Variants in ZBTB20 observed in about 807,000 individuals in gnomAD.
ZBTB20 encodes zinc finger and BTB domain-containing protein 20.
In ZBTB20, 9 loss-of-function variants were observed where a neutral mutation model predicts 56.9. That is an observed-to-expected ratio of 0.16 (90% CI 0.10 to 0.28). The LOEUF is 0.28. ZBTB20 is among the 10% of genes least tolerant of loss of function. The pLI, the probability that ZBTB20 is intolerant of heterozygous loss-of-function variation, is 1.00. For missense variants in ZBTB20, 655 were observed against 1,003.0 expected (o/e 0.65, Z 4.69); for synonymous variants, 417 against 420.7 (o/e 0.99, Z 0.11).
At chr3:114,546,267 A>G (rs1447214964) in intron 6 of ZBTB20, among the ~76,000 whole-genome samples, 1 of 152,192 alleles carries the variant, frequency 6.6e-6, no homozygotes, top group Non-Finnish European at 1.5e-5. Flanking sequence ...TGCTTATCAA[A>G]TGTGCTCATT....
At chr3:114,839,204 CA>C (rs1035833193) in intron 4 of ZBTB20, among the ~76,000 whole-genome samples, 30 of 152,134 alleles carry the variant, frequency 2.0e-4, no homozygotes, top group African/African-American at 7.0e-4. Flanking sequence ...AGTTCAAGAC[CA>C]GCTTTGGCAA....
chr3:114,773,062 A>C (rs1160537097), intron 5 of ZBTB20, among the ~76,000 whole-genome samples: 1 of 152,220 alleles, frequency 6.6e-6, no homozygotes. Context: ...GCACACATGC[A>C]AGGATCTAAA....
chr3:115,095,748 T>C (rs2083358408), intron 1 of ZBTB20, among the ~76,000 whole-genome samples: 1 of 152,178 alleles, frequency 6.6e-6, no homozygotes, highest in Non-Finnish European at 1.5e-5. Flanking sequence ...GATATTTTGA[T>C]ATATTAAACA....
intron 6 of ZBTB20, among the ~76,000 whole-genome samples, chr3:114,540,244 C>T (rs2048966889): frequency 6.6e-6 from 1 of 152,004 alleles, no homozygotes; most frequent in Admixed American, 6.6e-5. Context: ...GAAATACAAA[C>T]AACCATCAGA....
intron 10 of ZBTB20, among the ~76,000 whole-genome samples, chr3:114,373,732 G>A (rs568683514): frequency 6.6e-5 from 10 of 152,114 alleles, no homozygotes; most frequent in South Asian, 4.2e-4. Context: ...TCCTATCTTC[G>A]TCCCTAATCT....
chr3:114,727,239 AT>A (rs1156614693), intron 5 of ZBTB20, among the ~76,000 whole-genome samples: 1 of 152,204 alleles, frequency 6.6e-6, no homozygotes, highest in African/African-American at 2.4e-5. Context: ...CTTAATCACT[AT>A]TAAGGATATT....
At chr3:114,408,512 C>T (rs2087566405) in intron 7 of ZBTB20, among the ~76,000 whole-genome samples, 1 of 152,028 alleles carries the variant, frequency 6.6e-6, no homozygotes, top group Admixed American at 6.6e-5. Context: ...CCCTCCCTTC[C>T]TTTCTTCTAG....
intron 4 of ZBTB20, among the ~76,000 whole-genome samples, chr3:114,818,673 TC>T: frequency 6.6e-6 from 1 of 152,070 alleles, no homozygotes; most frequent in African/African-American, 2.4e-5. Flanking sequence ...AGTATGTTAA[TC>T]CACTTTACCA....
At position 115,123,350 on chromosome 3, in the gene ZBTB20, T is replaced by C. The variant is rs929241258; in HGVS notation, c.-703+23869A>G. Among the ~76,000 whole-genome samples, 4 of 152,326 alleles carry C rather than the reference T, an allele frequency of 2.6e-5. No individual in the cohort carries two copies. The South Asian group carries it at 6.2e-4, about 24-fold the overall frequency. ...ATTAATAGTTGAAGATGTTCTAATG[T>C]ATGAATTATTACTAAAACAATTATT... On this transcript the variant is annotated intron_variant, in intron 1 of 11. Transcript: ENST00000675478.
At chr3:114,517,685 T>G (rs1047223003) in intron 6 of ZBTB20, among the ~76,000 whole-genome samples, 5 of 151,778 alleles carry the variant, frequency 3.3e-5, no homozygotes, top group African/African-American at 1.2e-4. Context: ...CAAGCAATTC[T>G]CTGCCTCAGC....
chr3:114,614,933 T>G (rs1281319440), intron 6 of ZBTB20, among the ~76,000 whole-genome samples: 1 of 152,158 alleles, frequency 6.6e-6, no homozygotes, highest in Non-Finnish European at 1.5e-5. Flanking sequence ...AATTTTTGTA[T>G]TTTTAGTAGA....
intron 5 of ZBTB20, among the ~76,000 whole-genome samples, chr3:114,710,663 C>T (rs2064009740): frequency 6.6e-6 from 1 of 152,134 alleles, no homozygotes; most frequent in Admixed American, 6.5e-5. Context: ...AGAGTTGAAC[C>T]ACTTTTCATC....
chr3:115,084,108 A>G (rs1042025721), intron 1 of ZBTB20, among the ~76,000 whole-genome samples: 1 of 151,814 alleles, frequency 6.6e-6, no homozygotes, highest in Non-Finnish European at 1.5e-5. Flanking sequence ...GTATTTAAAG[A>G]TGAGCAAGAG....
chr3:114,966,598 C>T (rs2077657170), intron 3 of ZBTB20, among the ~76,000 whole-genome samples: 1 of 151,848 alleles, frequency 6.6e-6, no homozygotes, highest in African/African-American at 2.4e-5. Context: ...GTAATTTGCC[C>T]AACTGTTAGT....
At chr3:114,362,812 A>G (rs531713628) in intron 10 of ZBTB20, among the ~76,000 whole-genome samples, 1 of 152,328 alleles carries the variant, frequency 6.6e-6, no homozygotes, top group East Asian at 1.9e-4. Context: ...CTATGATGTG[A>G]TAGAAAAATG....
chr3:114,949,649 T>A (rs918765666), intron 3 of ZBTB20, among the ~76,000 whole-genome samples: 1 of 145,076 alleles, frequency 6.9e-6, no homozygotes, highest in Non-Finnish European at 1.5e-5. Context: ...AAGCCTGTAA[T>A]CCCAGCTACT....
At chr3:114,493,289 G>T (rs1016321417) in intron 7 of ZBTB20, among the ~76,000 whole-genome samples, 2 of 152,134 alleles carry the variant, frequency 1.3e-5, no homozygotes, top group African/African-American at 4.8e-5. Context: ...GAAAATGTGG[G>T]TTGTTTCCAG....
At chr3:114,912,062 CAGT>C (rs915365992) in intron 3 of ZBTB20, among the ~76,000 whole-genome samples, 16 of 149,446 alleles carry the variant, frequency 1.1e-4, no homozygotes, top group African/African-American at 3.7e-4. Context: ...AAAAGACAAT[CAGT>C]AGATTTCTCA....
chr3:115,085,982 T>G (rs2082971949), intron 1 of ZBTB20, among the ~76,000 whole-genome samples: 1 of 151,818 alleles, frequency 6.6e-6, no homozygotes, highest in South Asian at 2.1e-4. Flanking sequence ...ATAAGAAAAA[T>G]GTACAAAAAC....
Sources: gnomAD v4.1 joint callset for allele counts (sites outside exome capture counted in the v4.1 genomes callset) on GRCh38, gnomAD v4.1.1 for gene constraint, MANE v1.5 for transcripts, NCBI Gene and HGNC (gene_info 2026-07-23, HGNC 2026-07-21) for gene names.